Variants in JAK2 observed in about 807,000 individuals in gnomAD.
The protein encoded by JAK2 is Janus kinase 2.
A neutral mutation model predicts 139.3 loss-of-function variants in JAK2; 86 were observed. That is an observed-to-expected ratio of 0.62 (90% confidence interval 0.52 to 0.74). The LOEUF is 0.74. Among genes scored for constraint, JAK2 ranks in the 30% least tolerant of loss-of-function variants. The probability of loss-of-function intolerance (pLI) is 0.00; values close to 1 mark genes in which losing one functional copy is unlikely to be tolerated. For missense variants in JAK2, 1,421 were observed against 1,360.3 expected (o/e 1.04, Z -0.70); for synonymous variants, 490 against 437.7 (o/e 1.12, Z -1.49).
At chr9:5,103,949 C>A (rs1821740020) in intron 22 of JAK2, among the ~76,000 whole-genome samples, 1 of 151,896 alleles carries the variant, frequency 6.6e-6, no homozygotes, top group Non-Finnish European at 1.5e-5. Context: ...GCACTAAATG[C>A]CCACAAGAGA....
intron 2 of JAK2, among the ~76,000 whole-genome samples, chr9:5,021,331 G>C (rs969429476): frequency 6.6e-6 from 1 of 152,100 alleles, no homozygotes; most frequent in Non-Finnish European, 1.5e-5. Flanking sequence ...CAACCTTCTG[G>C]ACCCCTCTTC....
At chr9:5,029,194 A>G (rs1179122973) in intron 3 of JAK2, among the ~76,000 whole-genome samples, 2 of 152,186 alleles carry the variant, frequency 1.3e-5, no homozygotes, top group Non-Finnish European at 2.9e-5. Context: ...TAATTGGCCT[A>G]ATTTCCATAT....
At chr9:5,026,228 T>C (rs1375009193) in intron 3 of JAK2, among the ~76,000 whole-genome samples, 1 of 152,206 alleles carries the variant, frequency 6.6e-6, no homozygotes, top group Non-Finnish European at 1.5e-5. Flanking sequence ...AGTTTCACCT[T>C]AGTTGTATTC....
intron 22 of JAK2, chr9:5,100,115 C>T (rs1379718960): frequency 6.6e-6 from 1 of 152,150 alleles, no homozygotes; most frequent in Non-Finnish European, 1.5e-5. Flanking sequence ...ATTAGTTTTC[C>T]CACAGCTTCA....
intron 22 of JAK2, chr9:5,112,081 T>TAGA: frequency 2.6e-6 from 1 of 381,126 alleles, no homozygotes; most frequent in Non-Finnish European, 5.2e-6. Context: ...GAGAGTAAGA[T>TAGA]AGAAGACCAC....
intron 4 of JAK2, among the ~76,000 whole-genome samples, chr9:5,039,177 A>C (rs1469471031): frequency 1.3e-5 from 2 of 152,128 alleles, no homozygotes; most frequent in Non-Finnish European, 1.5e-5. Context: ...CAAGAAAAAG[A>C]AATAAAAGGC....
At chr9:5,120,105 G>C (rs930464594) in intron 22 of JAK2, among the ~76,000 whole-genome samples, 7 of 152,220 alleles carry the variant, frequency 4.6e-5, no homozygotes, top group Admixed American at 3.9e-4. Flanking sequence ...GGCAGGTTCA[G>C]GCGTCTGGTG....
At chr9:4,999,461 G>T (rs1247262939) in intron 2 of JAK2, among the ~76,000 whole-genome samples, 1 of 152,184 alleles carries the variant, frequency 6.6e-6, no homozygotes, top group Non-Finnish European at 1.5e-5. Context: ...GGGCAAAAAA[G>T]ATTACAAATG....
chr9:5,010,049 G>A (rs1821591487), intron 2 of JAK2, among the ~76,000 whole-genome samples: 1 of 152,186 alleles, frequency 6.6e-6, no homozygotes, highest in South Asian at 2.1e-4. Context: ...TGGGATTGGA[G>A]GCATGAGCCA....
intron 3 of JAK2, among the ~76,000 whole-genome samples, chr9:5,023,611 C>T (rs1822581396): frequency 6.6e-6 from 1 of 152,212 alleles, no homozygotes; most frequent in African/African-American, 2.4e-5. Context: ...TCTAACTTAA[C>T]CTTTCCCTGT....
intron 22 of JAK2, chr9:5,112,157 C>T (rs896722262): frequency 6.9e-6 from 2 of 289,156 alleles, no homozygotes; most frequent in Non-Finnish European, 1.4e-5. Flanking sequence ...AACGTGCACA[C>T]GCTGCTACCC....
At chr9:5,085,665 C>T (rs189640683) in intron 19 of JAK2, 10 of 725,460 alleles carry the variant, frequency 1.4e-5, no homozygotes, top group African/African-American at 1.0e-4. Context: ...TTTTCCTTTT[C>T]GAGAACGTGC....
intron 12 of JAK2, 118 bp downstream of exon 12, chr9:5,070,170 T>A: frequency 1.7e-6 from 1 of 602,668 alleles, no homozygotes; most frequent in Non-Finnish European, 2.5e-6. Context: ...TAGTTGTGAT[T>A]TAAATATTTT....
rs1175466897 is a variant in JAK2, at chr9:5,112,251, C to G, written c.3060-10753C>G. Reference sequence around the variant, plus strand: ...GCAGGCCTGGTTGGAGGCGAACACCCTGAGGACGGCCCTGCGGGCAGCGCC... The same window carrying G: ...GCAGGCCTGGTTGGAGGCGAACACCGTGAGGACGGCCCTGCGGGCAGCGCC... On this transcript the variant is annotated intron_variant, in intron 22 of 24. Coordinates refer to ENST00000381652, the MANE Select transcript of JAK2 (RefSeq NM_004972.4). 5 of 260,758 alleles carry G rather than the reference C, an allele frequency of 1.9e-5. No homozygotes were observed. The East Asian group carries it at 4.7e-4, about 25-fold the overall frequency. The allele number at this position is 260,758 out of a possible 1,614,324, so 16.2% of individuals were successfully genotyped here. A position where few individuals can be genotyped will look rare whatever the true frequency, so the allele number is the denominator to read the frequency against.
chr9:5,123,248 T>A (rs1564027221), intron 23 of JAK2, 127 bp downstream of exon 23: 10 of 573,976 alleles, frequency 1.7e-5, no homozygotes, highest in Non-Finnish European at 3.2e-5. Flanking sequence ...GCTTTTAGGG[T>A]ATCCACCACC....
At chr9:5,017,738 T>C (rs1253241600) in intron 2 of JAK2, among the ~76,000 whole-genome samples, 1 of 152,250 alleles carries the variant, frequency 6.6e-6, no homozygotes, top group Non-Finnish European at 1.5e-5. Flanking sequence ...TAAAGTTGCA[T>C]ATCCAGTTGC....
chr9:5,055,589 A>G, intron 7 of JAK2, 80 bp from the exon 8 acceptor site: 1 of 1,109,928 alleles, frequency 9.0e-7, no homozygotes, highest in East Asian at 2.5e-5. Context: ...ATTTGGAAAG[A>G]ATGTTGTCTT....
At chr9:5,037,242 T>C (rs947752372) in intron 4 of JAK2, among the ~76,000 whole-genome samples, 12 of 152,050 alleles carry the variant, frequency 7.9e-5, no homozygotes, top group Admixed American at 6.5e-4. Flanking sequence ...AATAGGAACA[T>C]TTTTACACTG....
intron 3 of JAK2, among the ~76,000 whole-genome samples, 165 bp downstream of exon 3, chr9:5,022,378 A>G (rs1413349359): frequency 6.6e-6 from 1 of 152,148 alleles, no homozygotes; most frequent in Non-Finnish European, 1.5e-5. Context: ...ACTGGAGTAC[A>G]ATTTATGGTG....
Sources: gnomAD v4.1 joint callset for allele counts (sites outside exome capture counted in the v4.1 genomes callset) on GRCh38, gnomAD v4.1.1 for gene constraint, MANE v1.5 for transcripts, NCBI Gene and HGNC (gene_info 2026-07-23, HGNC 2026-07-21) for gene names.